The following SPOCK3 variants were observed in gnomAD, a reference collection of about 807,000 sequenced individuals.
SPOCK3 encodes the protein SPARC (osteonectin), cwcv and kazal like domains proteoglycan 3.
Under a neutral mutation model 56.6 loss-of-function variants are expected in SPOCK3, and 30 were observed. That is an observed-to-expected ratio of 0.53 (90% CI 0.40 to 0.72). The LOEUF (loss-of-function observed/expected upper bound fraction) is 0.72, where lower values mean the gene tolerates loss of function less well. SPOCK3 is among the 30% of genes least tolerant of loss of function. The pLI, the probability that SPOCK3 is intolerant of heterozygous loss-of-function variation, is 0.00. For missense variants in SPOCK3, 527 were observed against 530.0 expected, an observed-to-expected ratio of 0.99 and a Z score of 0.06; for synonymous variants, 196 against 183.3, an observed-to-expected ratio of 1.07 and a Z score of -0.56.
intron 2 of SPOCK3, among the ~76,000 whole-genome samples, chr4:167,144,894 C>T (rs114070132): frequency 0.015 from 2,321 of 151,740 alleles, 69 homozygotes; most frequent in African/African-American, 0.052. Context: ...CCTAATGAGA[C>T]AGAGAACCAT....
intron 7 of SPOCK3, among the ~76,000 whole-genome samples, chr4:166,788,966 CTCTT>C (rs143948410): frequency 0.21 from 31,184 of 151,814 alleles, 3,806 homozygotes; most frequent in East Asian, 0.34. Flanking sequence ...TGATTTTTCT[CTCTT>C]TATTAAAATG....
At chr4:166,821,411 A>G (rs1369648091) in intron 6 of SPOCK3, among the ~76,000 whole-genome samples, 1 of 152,046 alleles carries the variant, frequency 6.6e-6, no homozygotes, top group African/African-American at 2.4e-5. Context: ...TTTAACTGTA[A>G]ACTTGCTGTA....
chr4:167,159,571 G>C (rs1765103995), intron 2 of SPOCK3, among the ~76,000 whole-genome samples: 1 of 151,918 alleles, frequency 6.6e-6, no homozygotes, highest in Admixed American at 6.6e-5. Flanking sequence ...ACCAAAGCCG[G>C]GCAGAGACAC....
intron 6 of SPOCK3, among the ~76,000 whole-genome samples, chr4:166,877,675 C>T (rs1429284825): frequency 6.6e-6 from 1 of 151,986 alleles, no homozygotes; most frequent in African/African-American, 2.4e-5. Flanking sequence ...CATTTTTGTT[C>T]AGAGATAAAC....
At chr4:166,768,803 C>T (rs906184253) in intron 7 of SPOCK3, among the ~76,000 whole-genome samples, 1 of 152,192 alleles carries the variant, frequency 6.6e-6, no homozygotes, top group Non-Finnish European at 1.5e-5. Flanking sequence ...GTTCCATTCT[C>T]CCCATCACTT....
At chr4:167,125,665 A>C (rs1468985721) in intron 2 of SPOCK3, among the ~76,000 whole-genome samples, 1 of 152,128 alleles carries the variant, frequency 6.6e-6, no homozygotes. Context: ...CAATGAGCCA[A>C]GATCGCGCCA....
At chr4:167,197,751 T>C (rs1390835445) in intron 2 of SPOCK3, among the ~76,000 whole-genome samples, 1 of 152,162 alleles carries the variant, frequency 6.6e-6, no homozygotes. Flanking sequence ...TTTAAGTTTG[T>C]GTTCAAAAAA....
intron 6 of SPOCK3, among the ~76,000 whole-genome samples, chr4:166,794,083 G>A (rs1242900099): frequency 6.6e-6 from 1 of 151,922 alleles, no homozygotes; most frequent in Non-Finnish European, 1.5e-5. Context: ...CTTGGCCAGG[G>A]ACAGAGCAAT....
At chr4:167,118,810 G>A (rs1368247581) in intron 2 of SPOCK3, among the ~76,000 whole-genome samples, 1 of 152,094 alleles carries the variant, frequency 6.6e-6, no homozygotes, top group Non-Finnish European at 1.5e-5. Flanking sequence ...TGGCTATTTT[G>A]TTACTTTCTT....
intron 5 of SPOCK3, among the ~76,000 whole-genome samples, chr4:166,895,392 A>G (rs1176250278): frequency 6.6e-6 from 1 of 152,088 alleles, no homozygotes; most frequent in Non-Finnish European, 1.5e-5. Flanking sequence ...ACAGATATAA[A>G]TGAGAGTCAA....
intron 2 of SPOCK3, among the ~76,000 whole-genome samples, chr4:167,163,125 C>T (rs999873873): frequency 3.4e-5 from 5 of 146,674 alleles, no homozygotes; most frequent in African/African-American, 1.0e-4. Flanking sequence ...TTTTGTACTA[C>T]TTGAATGCAA....
At chr4:167,030,083 T>TTCTATCTATTTATCTATCTA (rs1554022254) in intron 3 of SPOCK3, among the ~76,000 whole-genome samples, 1 of 141,396 alleles carries the variant, frequency 7.1e-6, no homozygotes, top group African/African-American at 2.8e-5. Context: ...TAATGGCTCA[T>TTCTATCTATTTATCTATCTA]TCTATCTATC....
intron 6 of SPOCK3, among the ~76,000 whole-genome samples, chr4:166,872,375 G>A (rs1732580842): frequency 6.6e-6 from 1 of 152,044 alleles, no homozygotes; most frequent in Admixed American, 6.6e-5. Context: ...ATCGTTGCAG[G>A]ATATAAAGTG....
chr4:167,109,389 A>AT lies in SPOCK3; in HGVS notation c.190-46853_190-46852insA, dbSNP rs1392715627. ...ATATATATATTTATATAAAATATAT[A>AT]AATATATATTTATATATAAATATAT... is the stretch of plus-strand genomic sequence containing the variant. On this transcript the variant is annotated intron_variant, in intron 2 of 10. Coordinates refer to ENST00000357545, the MANE Select transcript of SPOCK3 (RefSeq NM_001040159.2). Among the ~76,000 whole-genome samples, 2 of 24,812 alleles carry AT rather than the reference A, an allele frequency of 8.1e-5. 1 individual carries two copies. The highest frequency in any genetic ancestry group is 2.7e-3 in the South Asian group (2 of 736). 16.3% of individuals were successfully genotyped at this position (24,812 alleles called of 152,430 possible).
intron 2 of SPOCK3, among the ~76,000 whole-genome samples, chr4:167,112,220 C>T (rs764572983): frequency 1.3e-5 from 2 of 152,138 alleles, no homozygotes; most frequent in South Asian, 4.2e-4. Context: ...ATATGAATCC[C>T]CTAGAGGAGT....
chr4:166,989,082 G>A (rs958540769), intron 4 of SPOCK3, among the ~76,000 whole-genome samples: 1 of 152,022 alleles, frequency 6.6e-6, no homozygotes, highest in African/African-American at 2.4e-5. Context: ...GATAAAGAAT[G>A]TACTCTACCC....
chr4:166,908,678 G>A (rs995228374), intron 5 of SPOCK3, among the ~76,000 whole-genome samples: 1 of 151,742 alleles, frequency 6.6e-6, no homozygotes, highest in Non-Finnish European at 1.5e-5. Flanking sequence ...TTGTCCTCAG[G>A]GAATTTATAT....
intron 2 of SPOCK3, among the ~76,000 whole-genome samples, chr4:167,169,605 G>T (rs537867314): frequency 1.3e-5 from 2 of 152,254 alleles, no homozygotes; most frequent in East Asian, 1.9e-4. Context: ...GACTCGCATT[G>T]TCTCAGATGA....
At chr4:167,117,120 A>G (rs980030881) in intron 2 of SPOCK3, among the ~76,000 whole-genome samples, 10 of 151,822 alleles carry the variant, frequency 6.6e-5, no homozygotes, top group Non-Finnish European at 1.2e-4. Flanking sequence ...GTTTGAGATG[A>G]TGGATCTTTC....
Sources: allele counts gnomAD v4.1 joint callset (sites outside exome capture counted in the v4.1 genomes callset), GRCh38; gene constraint gnomAD v4.1.1; transcripts MANE v1.5; gene names NCBI Gene and HGNC (gene_info 2026-07-23, HGNC 2026-07-21).